Variants in GJA5 observed in about 807,000 individuals in gnomAD.
GJA5 encodes the protein gap junction protein alpha 5.
Under a neutral mutation model 7.9 loss-of-function variants are expected in GJA5, and 3 were observed. The observed-to-expected ratio is 0.38, with a 90% CI of 0.17 to 0.99. GJA5 has a LOEUF of 0.99. GJA5 is among the 50% of genes least tolerant of loss of function. GJA5 has a pLI of 0.38. For missense variants in GJA5, 390 were observed against 457.9 expected, an observed-to-expected ratio of 0.85 and a Z score of 1.35; for synonymous variants, 193 against 181.0, an observed-to-expected ratio of 1.07 and a Z score of -0.53.
Position 147,758,259 on chromosome 1 carries a change from A to G in GJA5, c.980T>C (p.Val327Ala), listed in dbSNP as rs1553226762. Residue 327 changes from valine (V) to alanine (A), a missense_variant, in exon 2 of 2, where the codon GTC (valine) becomes GCC (alanine). Around this residue, in one of 2 missense-constraint regions of GJA5, gnomAD observed 354 missense variants for 370.9 expected, o/e 0.95. Coordinates refer to ENST00000579774, the MANE Select transcript of GJA5 (RefSeq NM_181703.4). ...ATGGGGAAGGCGGTGACCTGGTGAG[A>G]CTCCATTGGGCACCTCAGGCTTCTG... ...YGQKPEVPNG[V>A]SPGHRLPHGY... 1 of 1,613,724 alleles carries G rather than the reference A, an allele frequency of 6.2e-7. No individual in the cohort carries two copies. The highest frequency in any genetic ancestry group is 1.7e-5 in the Admixed American group (1 of 59,988).
Position 147,770,086 on chromosome 1 carries a change from A to T in GJA5, c.-34+3166T>A, listed in dbSNP as rs1418079508. ...TGATCTGAGGGTAAGGGACATCTTG[A>T]TCCCTAGCCACCTCTGTCCTCTCCT... On this transcript the variant is annotated intron_variant, in intron 1 of 1. Transcript: ENST00000430508. Among the ~76,000 whole-genome samples the T allele has an allele frequency of 2.0e-5, 3 of 152,068 alleles. No homozygotes were observed. In the East Asian group the frequency reaches 5.8e-4, roughly 29 times the overall value.
chr1:147,769,248 G>C (rs1444205857), intron 1 of GJA5, among the ~76,000 whole-genome samples: 1 of 152,210 alleles, frequency 6.6e-6, no homozygotes, highest in Non-Finnish European at 1.5e-5. Context: ...TCTACTGCCC[G>C]GTTCTTGGCT....
At position 147,758,159 on chromosome 1, in the gene GJA5, G is replaced by A. The variant is rs782597354; in HGVS notation, c.*3C>T. 6.3e-6 allele frequency: 10 copies of A among 1,591,156 alleles called. No individual in the cohort carries two copies. The Middle Eastern group carries it at 5.0e-4, about 79-fold the overall frequency. On this transcript the variant is annotated 3_prime_UTR_variant, in exon 2 of 2. Coordinates refer to ENST00000579774, the MANE Select transcript of GJA5 (RefSeq NM_181703.4). The stretch of plus-strand genomic sequence containing the variant: ...CTGGTCCTGATCCTCCCATAAAGGA[G>A]GGTCACACTGATAGGTCATCTGACC...
chr1:147,769,570 A>G (rs1258185098), intron 1 of GJA5, among the ~76,000 whole-genome samples: 1 of 149,702 alleles, frequency 6.7e-6, no homozygotes, highest in African/African-American at 2.4e-5. Flanking sequence ...CATTTCCAGT[A>G]AAAACTCCTC....
chr1:147,765,639 TGGAAGGAGA>T (rs1451478047), intron 1 of GJA5, among the ~76,000 whole-genome samples: 6 of 152,156 alleles, frequency 3.9e-5, no homozygotes, highest in Admixed American at 3.9e-4. Flanking sequence ...GAGCAGAGCA[TGGAAGGAGA>T]GTCTGCATAG....
Position 147,758,358 on chromosome 1 carries a change from T to C in GJA5, c.881A>G (p.Asp294Gly), listed in dbSNP as rs1553226814. ...TCGTACTTGCTCGGTGACCAGGTTGTCTGTGTTTTGTTGGGAGGCCATATT... is the reference window on the plus strand; with the variant it reads ...TCGTACTTGCTCGGTGACCAGGTTGCCTGTGTTTTGTTGGGAGGCCATATT... Reference protein sequence around the residue: ...SNNMASQQNTDNLVTEQVRGQ... With the variant: ...SNNMASQQNTGNLVTEQVRGQ... Residue 294 changes from aspartate to glycine, a missense_variant, in exon 2 of 2, where the codon GAC (aspartate) becomes GGC (glycine). Physicochemically the swap from Asp to Gly is moderately conservative, Grantham distance 94. Coordinates refer to ENST00000579774, the MANE Select transcript of GJA5 (RefSeq NM_181703.4). 3.7e-6 allele frequency: 6 copies of C among 1,614,112 alleles called. No individual in the cohort carries two copies. The highest frequency in any genetic ancestry group is 5.1e-6 in the Non-Finnish European group (6 of 1,180,002).
intron 1 of GJA5, among the ~76,000 whole-genome samples, chr1:147,767,389 CT>C (rs869258169): frequency 1.2e-3 from 167 of 143,410 alleles, no homozygotes; most frequent in South Asian, 1.5e-3. Flanking sequence ...GGGGACTATT[CT>C]TTTTTTTTTT....
chr1:147,764,499 A>G (rs1664129648), upstream of GJA5, among the ~76,000 whole-genome samples: 1 of 152,162 alleles, frequency 6.6e-6, no homozygotes, highest in Non-Finnish European at 1.5e-5. Context: ...GCAAGGCCTG[A>G]CACACACTGG....
At chr1:147,771,719 G>T (rs1553229127) in intron 1 of GJA5, among the ~76,000 whole-genome samples, 1 of 152,180 alleles carries the variant, frequency 6.6e-6, no homozygotes, top group Non-Finnish European at 1.5e-5. Flanking sequence ...AGAGTGTTGG[G>T]TTGGAAGCCA....
At position 147,758,307 on chromosome 1, in the gene GJA5, C is replaced by T; in HGVS notation, c.932G>A (p.Gly311Asp). 1.2e-6 allele frequency: 2 copies of T among 1,614,138 alleles called. No homozygotes were observed. Among genetic ancestry groups the T allele is most frequent in the African/African-American group, 1.3e-5 (1 of 75,044 alleles). The part of the protein sequence containing the change: ...VRGQEQTPGE[G>D]FIQVRYGQKP... ...CTGGCCATAACGAACCTGGATGAAA[C>T]CTTCCCCAGGAGTCTGCTCCTGACC... The change falls in exon 2 of 2, where the codon GGT becomes GAT. Residue 311 changes from glycine to aspartate, a missense_variant. Gly to Asp is a moderately conservative substitution (Grantham distance 94). Coordinates refer to ENST00000579774, the MANE Select transcript of GJA5 (RefSeq NM_181703.4).
rs781966766 is a variant in GJA5 at position 147,758,227 on chromosome 1, G to A, written c.1012C>T (p.His338Tyr). 1.2e-6 allele frequency: 2 copies of A among 1,614,104 alleles called. No homozygotes were observed. The change falls in exon 2 of 2, where the codon CAT (histidine) becomes TAT (tyrosine). Residue 338 changes from histidine to tyrosine, a missense_variant. By Grantham distance (83) the His-to-Tyr change is moderately conservative. This residue lies in a region of GJA5 where 354 missense variants were observed against 370.9 expected (regional missense o/e 0.95). Transcript: ENST00000579774. Reference protein sequence around the residue: ...SPGHRLPHGYHSDKRRLSKAS... With the variant: ...SPGHRLPHGYYSDKRRLSKAS... ...TTACTAAGACGTCGCTTGTCACTATGATAGCCATGGGGAAGGCGGTGACCT... is the reference window on the plus strand; with the variant it reads ...TTACTAAGACGTCGCTTGTCACTATAATAGCCATGGGGAAGGCGGTGACCT...
At chr1:147,772,051 C>T (rs1384474009) in intron 1 of GJA5, among the ~76,000 whole-genome samples, 2 of 152,076 alleles carry the variant, frequency 1.3e-5, no homozygotes, top group African/African-American at 2.4e-5. Flanking sequence ...GCCACAGCAC[C>T]AGGCAGTCAG....
upstream of GJA5, among the ~76,000 whole-genome samples, chr1:147,764,026 G>T (rs948795096): frequency 2.0e-4 from 30 of 152,190 alleles, no homozygotes; most frequent in Admixed American, 1.6e-3. Context: ...GGCCAGGCTG[G>T]TCTCAAATTC....
chr1:147,769,752 C>A (rs1441961129), intron 1 of GJA5, among the ~76,000 whole-genome samples: 1 of 152,018 alleles, frequency 6.6e-6, no homozygotes, highest in Non-Finnish European at 1.5e-5. Context: ...AGTTATCTCA[C>A]AAGGCATCCA....
upstream of GJA5, among the ~76,000 whole-genome samples, chr1:147,764,740 C>T (rs1321924740): frequency 6.8e-6 from 1 of 147,484 alleles, no homozygotes; most frequent in Non-Finnish European, 1.5e-5. Context: ...AGGAGAGTTG[C>T]TTGAATCCGG....
At chr1:147,764,693 G>A (rs1041613152), upstream of GJA5, among the ~76,000 whole-genome samples, 2 of 152,102 alleles carry the variant, frequency 1.3e-5, no homozygotes, top group Non-Finnish European at 2.9e-5. Context: ...GTGTGGTGGT[G>A]GGCACCTGTA....
upstream of GJA5, among the ~76,000 whole-genome samples, chr1:147,763,213 A>G (rs1664084172): frequency 1.3e-5 from 2 of 152,172 alleles, no homozygotes. Context: ...TAATACGTTT[A>G]TTGAGTGGCT....
intron 1 of GJA5, among the ~76,000 whole-genome samples, chr1:147,769,867 A>G (rs1189219923): frequency 2.0e-5 from 3 of 151,882 alleles, no homozygotes; most frequent in Non-Finnish European, 4.4e-5. Context: ...ATGTGTCCTT[A>G]ACTCAAGATT....
rs587771440 is a variant in GJA5, at chr1:147,767,266, T to C, written c.-34+5986A>G. On this transcript the variant is annotated intron_variant, in intron 1 of 1. Coordinates refer to the GJA5 transcript ENST00000430508. ...AAAAGAATTTGGATCTAGGTGATAA[T>C]AATAATAATGGAAATAAAATAACAC... 3.0e-4 allele frequency among the ~76,000 whole-genome samples: 45 copies of C among 152,244 alleles called. 1 individual carries two copies. The highest frequency in any genetic ancestry group is 8.5e-4 in the Admixed American group (13 of 15,276).
Sources: gnomAD v4.1 joint callset for allele counts (sites outside exome capture counted in the v4.1 genomes callset) on GRCh38, gnomAD v4.1.1 for gene constraint, gnomAD v4.1.1 regional missense constraint, MANE v1.5 for transcripts, NCBI Gene and HGNC (gene_info 2026-07-23, HGNC 2026-07-21) for gene names.